Variants in VTI1A observed in about 807,000 individuals in gnomAD.
VTI1A encodes the protein vesicle transport through interaction with t-SNAREs homolog 1A.
Under a neutral mutation model 34.9 loss-of-function variants are expected in VTI1A, and 22 were observed. The observed-to-expected ratio is 0.63, with a 90% CI of 0.45 to 0.90. VTI1A has a LOEUF of 0.90. Ranked by LOEUF, VTI1A falls within the 40% of genes least tolerant of loss-of-function variation. VTI1A has a pLI of 0.00. For synonymous variants in VTI1A, 87 were observed against 97.3 expected (o/e 0.89, Z 0.62); for missense variants, 268 against 275.6 (o/e 0.97, Z 0.20).
At chr10:112,583,226 A>G (rs1046252765) in intron 5 of VTI1A, among the ~76,000 whole-genome samples, 1 of 152,182 alleles carries the variant, frequency 6.6e-6, no homozygotes, top group African/African-American at 2.4e-5. Flanking sequence ...GAGGATTTGT[A>G]TGGCTTTACT....
At chr10:112,481,116 A>G (rs930711589) in intron 3 of VTI1A, among the ~76,000 whole-genome samples, 7 of 152,192 alleles carry the variant, frequency 4.6e-5, no homozygotes, top group African/African-American at 1.2e-4. Context: ...TTTTTCTTCC[A>G]TATGGGTTGC....
At chr10:112,530,881 T>C (rs1172073993) in intron 4 of VTI1A, among the ~76,000 whole-genome samples, 5 of 152,118 alleles carry the variant, frequency 3.3e-5, no homozygotes, top group African/African-American at 1.2e-4. Flanking sequence ...TGCTGAGGGT[T>C]TATAGCAAAA....
chr10:112,519,886 CAAT>C (rs981679214), intron 3 of VTI1A, among the ~76,000 whole-genome samples: 3 of 152,024 alleles, frequency 2.0e-5, no homozygotes, highest in Non-Finnish European at 4.4e-5. Context: ...GACAGATTTT[CAAT>C]GAATGACCCC....
chr10:112,614,344 T>C (rs1454111552), intron 5 of VTI1A, among the ~76,000 whole-genome samples: 1 of 152,198 alleles, frequency 6.6e-6, no homozygotes, highest in Admixed American at 6.5e-5. Context: ...TTTTATTTTT[T>C]TAAGAATAGA....
intron 5 of VTI1A, among the ~76,000 whole-genome samples, chr10:112,554,518 A>G (rs758902484): frequency 1.2e-4 from 19 of 152,162 alleles, no homozygotes; most frequent in Non-Finnish European, 2.5e-4. Context: ...CATGAGCATA[A>G]TTTTTTTGTA....
intron 7 of VTI1A, among the ~76,000 whole-genome samples, chr10:112,703,785 A>G (rs1849098300): frequency 6.6e-6 from 1 of 152,164 alleles, no homozygotes; most frequent in Admixed American, 6.5e-5. Context: ...GTTATTTTTC[A>G]GATCTTAGAT....
At chr10:112,796,598 G>C (rs1852685169) in intron 7 of VTI1A, among the ~76,000 whole-genome samples, 1 of 152,156 alleles carries the variant, frequency 6.6e-6, no homozygotes, top group Non-Finnish European at 1.5e-5. Flanking sequence ...TGGACAAGCA[G>C]AGGCCACCAT....
chr10:112,607,853 G>A (rs780766422), intron 5 of VTI1A, among the ~76,000 whole-genome samples: 12 of 152,156 alleles, frequency 7.9e-5, no homozygotes, highest in Non-Finnish European at 1.5e-4. Flanking sequence ...CTTCTTCATA[G>A]GCAAGTATCC....
At chr10:112,811,211 A>G (rs770803925) in intron 7 of VTI1A, among the ~76,000 whole-genome samples, 10 of 152,154 alleles carry the variant, frequency 6.6e-5, no homozygotes, top group Non-Finnish European at 1.5e-4. Flanking sequence ...CAGGCAGAAG[A>G]TGTTACCACC....
chr10:112,737,001 G>C lies in VTI1A; in HGVS notation c.560+68003G>C, dbSNP rs541816559. On this transcript the variant is annotated intron_variant, in intron 7 of 7. Coordinates refer to ENST00000393077, the MANE Select transcript of VTI1A (RefSeq NM_145206.4). Reference sequence around the variant, plus strand: ...ATTTATCTGGTCCCTTCCCATCCCAGAGCTTTATGATTCTGTAATAATCAA... The same window carrying C: ...ATTTATCTGGTCCCTTCCCATCCCACAGCTTTATGATTCTGTAATAATCAA... The C allele has an allele frequency of 1.3e-5, 7 of 557,662 alleles. No individual in the cohort carries two copies. In the East Asian group the frequency reaches 2.0e-4, roughly 16 times the overall value. The allele number at this position is 557,662 out of a possible 1,614,324, so 34.5% of individuals were successfully genotyped here.
At position 112,572,842 on chromosome 10, in the gene VTI1A, C is replaced by A. The variant is rs1183050903; in HGVS notation, c.427+34512C>A. Among the ~76,000 whole-genome samples the A allele has an allele frequency of 2.4e-4, 32 of 131,862 alleles. No individual in the cohort carries two copies. In the South Asian group the frequency reaches 3.6e-3, roughly 15 times the overall value. The allele number at this position is 131,862 out of a possible 152,430, so 86.5% of individuals were successfully genotyped here. A position where few individuals can be genotyped will look rare whatever the true frequency, so the allele number is the denominator to read the frequency against. On this transcript the variant is annotated intron_variant, in intron 5 of 7. Coordinates refer to ENST00000393077, the MANE Select transcript of VTI1A (RefSeq NM_145206.4). ...CGACAGAGCGAGACTCCGTCTCAAC[C>A]AAAAAAAAAAAAAAAAAGAAATGTT...
chr10:112,626,313 T>C (rs1845920620), intron 5 of VTI1A, among the ~76,000 whole-genome samples: 1 of 152,200 alleles, frequency 6.6e-6, no homozygotes, highest in Non-Finnish European at 1.5e-5. Context: ...CATGTGGCTA[T>C]ATCTTTATTT....
intron 3 of VTI1A, among the ~76,000 whole-genome samples, chr10:112,466,144 A>C (rs1847886724): frequency 6.6e-6 from 1 of 152,178 alleles, no homozygotes. Context: ...TGGGGCCCAA[A>C]TTCACAAGGA....
intron 5 of VTI1A, among the ~76,000 whole-genome samples, chr10:112,551,224 G>A (rs967375698): frequency 5.6e-5 from 7 of 124,922 alleles, no homozygotes; most frequent in African/African-American, 1.3e-4. Context: ...AGCCTGGGCG[G>A]CACAGCGATA....
At chr10:112,809,076 A>C (rs1853196604) in intron 7 of VTI1A, among the ~76,000 whole-genome samples, 1 of 152,176 alleles carries the variant, frequency 6.6e-6, no homozygotes, top group Non-Finnish European at 1.5e-5. Flanking sequence ...GTGGAATCAG[A>C]GTGGGATCAG....
intron 3 of VTI1A, among the ~76,000 whole-genome samples, chr10:112,520,908 A>G (rs139965146): frequency 6.6e-6 from 1 of 152,138 alleles, no homozygotes; most frequent in East Asian, 1.9e-4. Context: ...CTGGTGTTGC[A>G]TACTAAAGAA....
At chr10:112,522,394 A>T (rs1438985188) in intron 3 of VTI1A, among the ~76,000 whole-genome samples, 1 of 152,108 alleles carries the variant, frequency 6.6e-6, no homozygotes, top group African/African-American at 2.4e-5. Context: ...TTCTTTCATT[A>T]CTTACCAAAA....
At chr10:112,464,301 T>C (rs534188918) in intron 2 of VTI1A, among the ~76,000 whole-genome samples, 3 of 152,312 alleles carry the variant, frequency 2.0e-5, no homozygotes, top group African/African-American at 7.2e-5. Context: ...CCTGGCCAAA[T>C]GTATATGTTT....
rs1853549793 is a variant in VTI1A at position 112,817,242 on chromosome 10, G to T, written c.*1859G>T. 4.3e-6 allele frequency: 1 copy of T among 232,204 alleles called. No homozygotes were observed. The highest frequency in any genetic ancestry group is 8.5e-6 in the Non-Finnish European group (1 of 117,452). 14.4% of individuals were successfully genotyped at this position (232,204 alleles called of 1,614,324 possible). A position where few individuals can be genotyped will look rare whatever the true frequency, so the allele number is the denominator to read the frequency against. ...CAAAACTGTTGATCTTAGCTAAAGT[G>T]TATAACCAGTTACCAGCTGCACTTC... On this transcript the variant is annotated 3_prime_UTR_variant, in exon 8 of 8. Transcript: ENST00000393077.
Sources: gnomAD v4.1 joint callset for allele counts (sites outside exome capture counted in the v4.1 genomes callset) on GRCh38, gnomAD v4.1.1 for gene constraint, MANE v1.5 for transcripts, NCBI Gene and HGNC (gene_info 2026-07-23, HGNC 2026-07-21) for gene names.